CARMIL3: variants seen among roughly 807,000 people sequenced by gnomAD.
The protein encoded by CARMIL3 is capping protein regulator and myosin 1 linker 3.
Under a neutral mutation model 180.8 loss-of-function variants are expected in CARMIL3, and 88 were observed. That is an observed-to-expected ratio of 0.49 (90% CI 0.41 to 0.58). The LOEUF is 0.58. CARMIL3 is among the 20% of genes least tolerant of loss of function. The probability of loss-of-function intolerance (pLI) is 0.00; values close to 1 mark genes in which losing one functional copy is unlikely to be tolerated. For synonymous variants in CARMIL3, 696 were observed against 714.5 expected (o/e 0.97, Z 0.41); for missense variants, 1,548 against 1,787.0 (o/e 0.87, Z 2.41).
In CARMIL3 at chr14:24,058,662, C is replaced by T. The variant is rs1443923645; in HGVS notation, c.1393-18C>T. 1 of 1,612,928 alleles carries T rather than the reference C, an allele frequency of 6.2e-7. No homozygotes were observed. The highest frequency in any genetic ancestry group is 1.1e-5 in the South Asian group (1 of 90,990). ...CCACCCCAACCCCTGCCTTCCCTAC[C>T]TCACCTTGTCCCTGCAGCTCCGTTC... On this transcript the variant is annotated intron_variant, in intron 17 of 39. Coordinates refer to ENST00000342740, the MANE Select transcript of CARMIL3 (RefSeq NM_138360.4). The surrounding 1 kb of genome is among the most constrained non-coding windows in gnomAD (Gnocchi z 6.4).
At position 24,065,219 on chromosome 14, in the gene CARMIL3, C is replaced by A. The variant is rs1466724777; in HGVS notation, c.3342C>A (p.Ser1114Arg). 6.4e-7 allele frequency: 1 copy of A among 1,553,026 alleles called. No individual in the cohort carries two copies. The change falls in exon 33 of 40, where the codon AGC becomes AGA. Residue 1114 changes from serine (S) to arginine (R), a missense_variant. Around this residue, in one of 4 missense-constraint regions of CARMIL3, gnomAD observed 668 missense variants for 687.8 expected, o/e 0.97. Transcript: ENST00000342740. ...SSPCWSPEEE[S>R]SLLPGFGGGR... The stretch of plus-strand genomic sequence containing the variant: ...CCTGCTGGAGCCCAGAGGAGGAGAG[C>A]AGCCTCCTCCCTGGATTTGGTGGGG...
At chr14:24,052,314 C>A in intron 1 of CARMIL3, 121 bp downstream of exon 1, 1 of 964,244 alleles carries the variant, frequency 1.0e-6, no homozygotes, top group Non-Finnish European at 1.5e-6. Context: ...CATCCTGGCT[C>A]CAAGGCAGCC....
intron 1 of CARMIL3, 33 bp downstream of exon 1, chr14:24,052,226 G>T (rs369929118): frequency 7.9e-5 from 124 of 1,563,136 alleles, no homozygotes; most frequent in Non-Finnish European, 1.0e-4. Context: ...GGGACGCCCC[G>T]TCCGGGAGCA....
At chr14:24,060,435 G>A (rs1028180196) in intron 24 of CARMIL3, among the ~76,000 whole-genome samples, 180 bp downstream of exon 24, 2 of 152,212 alleles carry the variant, frequency 1.3e-5, no homozygotes, top group African/African-American at 4.8e-5. Flanking sequence ...ATATGTGGGC[G>A]AACAGCAGGA....
chr14:24,056,248 C>T (rs1258280171), intron 10 of CARMIL3, 51 bp from the exon 11 acceptor site: 8 of 1,495,388 alleles, frequency 5.3e-6, no homozygotes, highest in South Asian at 1.2e-5. Context: ...AGCCCAGAGG[C>T]TGGGACCTGG....
chr14:24,055,248 C>A lies in CARMIL3; in HGVS notation c.543C>A (p.Thr181=). ...TCCACCTCTCCAAGGATGTGGACAC[C>A]ATCTACCATGCTGAAGATAACCGGG... ...CREEVQWDVD[T]IYHAEDNREF... Residue 181 remains threonine, a synonymous_variant, in exon 8 of 40, where the codon ACC becomes ACA. Coordinates refer to ENST00000342740, the MANE Select transcript of CARMIL3 (RefSeq NM_138360.4). The A allele has an allele frequency of 1.9e-6, 3 of 1,614,126 alleles. No homozygotes were observed. The highest frequency in any genetic ancestry group is 2.5e-6 in the Non-Finnish European group (3 of 1,180,016).
At chr14:24,065,551 G>C (rs1174943644) in intron 33 of CARMIL3, 71 bp from the exon 34 acceptor site, 8 of 1,535,532 alleles carry the variant, frequency 5.2e-6, no homozygotes, top group Non-Finnish European at 7.0e-6. Flanking sequence ...GGGTCCTCCT[G>C]ACAACTCCCT....
intron 36 of CARMIL3, 30 bp from the exon 37 acceptor site, chr14:24,068,554 C>T: frequency 1.3e-6 from 2 of 1,569,964 alleles, no homozygotes; most frequent in African/African-American, 1.4e-5. Flanking sequence ...AATGCCTTTT[C>T]CTGCAGCTTC....
Position 24,068,864 on chromosome 14 carries a change from G to A in CARMIL3, c.3880G>A (p.Gly1294Arg). 3 of 1,612,976 alleles carry A rather than the reference G, an allele frequency of 1.9e-6. No individual in the cohort carries two copies. The highest frequency in any genetic ancestry group is 2.5e-6 in the Non-Finnish European group (3 of 1,179,770). ...PRGRQPPQEP[G>R]VREEAEAGDA... is the part of the protein sequence containing the mutation. The stretch of plus-strand genomic sequence containing the variant: ...GGGCCGCCAGCCTCCCCAGGAGCCA[G>A]GGGTCAGGGAGGAGGCTGAGGCTGG... Residue 1294 changes from glycine to arginine, a missense_variant, in exon 38 of 40, where the codon GGG becomes AGG. Gly to Arg is a moderately radical substitution (Grantham distance 125, BLOSUM62 -2). Coordinates refer to ENST00000342740, the MANE Select transcript of CARMIL3 (RefSeq NM_138360.4).
chr14:24,066,275 T>C (rs1182675992), intron 34 of CARMIL3, 123 bp from the exon 35 acceptor site: 1 of 1,196,586 alleles, frequency 8.4e-7, no homozygotes, highest in Non-Finnish European at 1.2e-6. Flanking sequence ...TGGGAAACAG[T>C]TTTAAGTGTC....
chr14:24,062,698 C>T lies in CARMIL3; in HGVS notation c.2569-11C>T. 6.2e-7 allele frequency: 1 copy of T among 1,607,646 alleles called. No individual in the cohort carries two copies. Among genetic ancestry groups the T allele is most frequent in the South Asian group, 1.1e-5 (1 of 90,228 alleles). ...TTCCATGGAATTCTGTTCACACCTG[C>T]CCTTCCCCAGGCCCGGCACCTGACC... is the stretch of plus-strand genomic sequence containing the variant. On this transcript the variant is annotated splice_polypyrimidine_tract_variant and intron_variant, in intron 28 of 39. Transcript: ENST00000342740.
chr14:24,056,440 G>T, intron 11 of CARMIL3, 47 bp downstream of exon 11: 1 of 1,579,692 alleles, frequency 6.3e-7, no homozygotes, highest in Non-Finnish European at 8.7e-7. Flanking sequence ...GCAGACCCCT[G>T]TCCTAGCCCA....
Position 24,059,088 on chromosome 14 carries a change from A to G in CARMIL3, c.1572-47A>G, listed in dbSNP as rs2035703462. 2.5e-6 allele frequency: 4 copies of G among 1,585,058 alleles called. No homozygotes were observed. Among genetic ancestry groups the G allele is most frequent in the Non-Finnish European group, 3.4e-6 (4 of 1,165,514 alleles). ...GCCACCTCTCTCCTCCTCCAATAGC[A>G]TGACCCCAGCCCTTCCCCTCCTACT... is the stretch of plus-strand genomic sequence containing the variant. On this transcript the variant is annotated intron_variant, in intron 19 of 39. Coordinates refer to ENST00000342740, the MANE Select transcript of CARMIL3 (RefSeq NM_138360.4). This position sits in a 1 kb window ranked among gnomAD's most constrained non-coding sequence, Gnocchi z 6.3.
At position 24,062,985 on chromosome 14, in the gene CARMIL3, C is replaced by G. The variant is rs2035747472; in HGVS notation, c.2707-135C>G. The G allele has an allele frequency of 1.4e-5, 21 of 1,537,444 alleles. No homozygotes were observed. In the South Asian group the frequency reaches 2.5e-4, roughly 18 times the overall value. ...CCTTCTGCCTCCAATCTCAATCCAG[C>G]CCAACCTCTTCCCTCATCCCAGTGC... On this transcript the variant is annotated intron_variant, in intron 29 of 39. Coordinates refer to ENST00000342740, the MANE Select transcript of CARMIL3 (RefSeq NM_138360.4).
At chr14:24,055,381 T>C in intron 8 of CARMIL3, 71 bp downstream of exon 8, 1 of 1,557,518 alleles carries the variant, frequency 6.4e-7, no homozygotes, top group South Asian at 1.1e-5. Context: ...TTCCCAGGAG[T>C]GCCCTTCTGG....
At chr14:24,055,424 A>G in intron 8 of CARMIL3, 114 bp downstream of exon 8, 2 of 1,479,418 alleles carry the variant, frequency 1.4e-6, no homozygotes, top group Non-Finnish European at 1.9e-6. Context: ...CCCCAACTCC[A>G]TCCCATCCCC....
chr14:24,056,587 C>A, intron 11 of CARMIL3, 35 bp from the exon 12 acceptor site: 1 of 1,604,386 alleles, frequency 6.2e-7, no homozygotes, highest in Non-Finnish European at 8.5e-7. Flanking sequence ...ACTGCCCTGC[C>A]CCTCACTGGG....
In CARMIL3 at chr14:24,058,808, C is replaced by G; in HGVS notation, c.1474+47C>G. The stretch of plus-strand genomic sequence containing the variant: ...CCCTGGGGCCAGGGGAGAACAGGGG[C>G]CTGGAGCATGCAGAAGCAGCCCTGA... On this transcript the variant is annotated intron_variant, in intron 18 of 39. Transcript: ENST00000342740. The surrounding 1 kb of genome is among the most constrained non-coding windows in gnomAD (Gnocchi z 6.4). 2 of 1,611,894 alleles carry G rather than the reference C, an allele frequency of 1.2e-6. No individual in the cohort carries two copies. Among genetic ancestry groups the G allele is most frequent in the Non-Finnish European group, 1.7e-6 (2 of 1,178,068 alleles).
Position 24,058,725 on chromosome 14 carries a change from G to A in CARMIL3, c.1438G>A (p.Val480Ile), listed in dbSNP as rs779873431. Residue 480 changes from valine to isoleucine, a missense_variant, in exon 18 of 40, where the codon GTC (valine) becomes ATC (isoleucine). By Grantham distance (29) the Val-to-Ile change is conservative (BLOSUM62 3). Transcript: ENST00000342740. The surrounding 1 kb of genome is among the most constrained non-coding windows in gnomAD (Gnocchi z 6.4). ...AQALQEQLGA[V>I]TCVGSLDLSD... ...AGCCTTGCAGGAGCAGCTGGGAGCT[G>A]TCACCTGTGTAGGCAGCCTGGATCT... 1.9e-6 allele frequency: 3 copies of A among 1,614,040 alleles called. No individual in the cohort carries two copies. The highest frequency in any genetic ancestry group is 4.5e-5 in the East Asian group (2 of 44,892).
Sources: allele counts gnomAD v4.1 joint callset (sites outside exome capture counted in the v4.1 genomes callset), GRCh38; gene constraint gnomAD v4.1.1; regional missense constraint gnomAD v4.1.1; non-coding constraint Gnocchi (gnomAD v3.1); transcripts MANE v1.5; gene names NCBI Gene and HGNC (gene_info 2026-07-23, HGNC 2026-07-21).